Variants in SHISA9 observed in about 807,000 individuals in gnomAD.
The protein encoded by SHISA9 is protein shisa-9.
SHISA9 carries 13 observed loss-of-function variants against 38.0 expected under a neutral mutation model. The ratio of observed to expected loss-of-function variants is 0.34; its 90% CI spans 0.22 to 0.54. SHISA9 has a LOEUF of 0.54. SHISA9 is among the 20% of genes least tolerant of loss of function. The probability of loss-of-function intolerance (pLI) is 0.91; values close to 1 mark genes in which losing one functional copy is unlikely to be tolerated. For missense variants in SHISA9, 538 were observed against 575.8 expected, an observed-to-expected ratio of 0.93 and a Z score of 0.67; for synonymous variants, 275 against 242.0, an observed-to-expected ratio of 1.14 and a Z score of -1.27.
chr16:13,055,839 G>A lies in SHISA9; in HGVS notation c.691+139024G>A, dbSNP rs117407025. On this transcript the variant is annotated intron_variant, in intron 2 of 4. Coordinates refer to ENST00000558583, the MANE Select transcript of SHISA9 (RefSeq NM_001145204.3). ...GATGTATTGTTTTTTAAGAAATCTCGTGCTTAGGTGAGAGTGATGGAACAA... is the reference window on the plus strand; with the variant it reads ...GATGTATTGTTTTTTAAGAAATCTCATGCTTAGGTGAGAGTGATGGAACAA... Among the ~76,000 whole-genome samples the A allele has an allele frequency of 8.5e-5, 13 of 152,300 alleles. No homozygotes were observed. In the East Asian group the frequency reaches 1.7e-3, roughly 20 times the overall value.
At chr16:13,372,988 T>C in the SHISA9 span, among the ~76,000 whole-genome samples, 2 of 152,176 alleles carry the variant, frequency 1.3e-5, no homozygotes, top group Non-Finnish European at 2.9e-5. Flanking sequence ...AAACATAAAA[T>C]AGTAAGTTTT....
chr16:13,126,521 T>G (rs1596666148), intron 2 of SHISA9, among the ~76,000 whole-genome samples: 180 of 95,052 alleles, frequency 1.9e-3, no homozygotes, highest in Middle Eastern at 9.3e-3. Flanking sequence ...GGGAGAGAGA[T>G]GGAGGGAGAG....
At chr16:13,423,593 C>A in the SHISA9 span, among the ~76,000 whole-genome samples, 1 of 152,134 alleles carries the variant, frequency 6.6e-6, no homozygotes, top group African/African-American at 2.4e-5. Context: ...TCTATTGCTG[C>A]ATAACAAATT....
the SHISA9 span, among the ~76,000 whole-genome samples, chr16:13,273,475 C>T: frequency 6.6e-6 from 1 of 152,152 alleles, no homozygotes; most frequent in Non-Finnish European, 1.5e-5. Context: ...GAGGGAATAT[C>T]CCAGCACAAG....
chr16:13,135,705 GTAATAA>G (rs1246561737), intron 2 of SHISA9, among the ~76,000 whole-genome samples: 1 of 152,070 alleles, frequency 6.6e-6, no homozygotes, highest in Non-Finnish European at 1.5e-5. Context: ...TATTATAATA[GTAATAA>G]TAATCATAAT....
chr16:13,330,581 C>T, the SHISA9 span, among the ~76,000 whole-genome samples: 2 of 152,206 alleles, frequency 1.3e-5, no homozygotes, highest in African/African-American at 2.4e-5. Context: ...ATGGTGCATA[C>T]TTCCACGCTC....
At chr16:13,443,755 G>A in the SHISA9 span, among the ~76,000 whole-genome samples, 170 of 152,252 alleles carry the variant, frequency 1.1e-3, no homozygotes, top group Non-Finnish European at 1.2e-3. Context: ...AAAATGGCAC[G>A]CATCATAAAC....
At chr16:13,231,270 G>A (rs1187919817) in intron 4 of SHISA9, among the ~76,000 whole-genome samples, 1 of 152,220 alleles carries the variant, frequency 6.6e-6, no homozygotes, top group South Asian at 2.1e-4. Context: ...ACAGATCTGA[G>A]TAATGTTGCT....
At chr16:13,002,439 A>G (rs930531062) in intron 2 of SHISA9, among the ~76,000 whole-genome samples, 1 of 152,118 alleles carries the variant, frequency 6.6e-6, no homozygotes, top group Non-Finnish European at 1.5e-5. Context: ...GTTAAGTCTC[A>G]TAACCAGTTA....
chr16:12,939,376 GC>G (rs1337489208), intron 2 of SHISA9, among the ~76,000 whole-genome samples: 3 of 152,158 alleles, frequency 2.0e-5, no homozygotes, highest in Non-Finnish European at 4.4e-5. Context: ...GAGTCACTGC[GC>G]CTGGCCAGGA....
At chr16:13,001,340 C>T (rs1420653936) in intron 2 of SHISA9, among the ~76,000 whole-genome samples, 1 of 152,164 alleles carries the variant, frequency 6.6e-6, no homozygotes, top group African/African-American at 2.4e-5. Flanking sequence ...CCTCTCCTCC[C>T]TGGGCTGGCC....
chr16:13,208,383 T>C (rs567173685), intron 3 of SHISA9, among the ~76,000 whole-genome samples: 1 of 152,134 alleles, frequency 6.6e-6, no homozygotes, highest in Admixed American at 6.5e-5. Context: ...TGTTTGCTTG[T>C]TGGGATCACC....
At chr16:13,118,531 G>A (rs1258516519) in intron 2 of SHISA9, among the ~76,000 whole-genome samples, 3 of 152,102 alleles carry the variant, frequency 2.0e-5, no homozygotes, top group African/African-American at 7.2e-5. Context: ...AAGGTGAGGT[G>A]CATGTGGATC....
At chr16:12,996,570 G>A (rs367632280) in intron 2 of SHISA9, among the ~76,000 whole-genome samples, 6 of 152,114 alleles carry the variant, frequency 3.9e-5, no homozygotes, top group Non-Finnish European at 7.4e-5. Flanking sequence ...AATTCATATC[G>A]TAGTCTGGAT....
intron 2 of SHISA9, among the ~76,000 whole-genome samples, chr16:13,048,862 A>G (rs1360597229): frequency 6.6e-6 from 1 of 152,198 alleles, no homozygotes; most frequent in Non-Finnish European, 1.5e-5. Flanking sequence ...TATGTGAGGG[A>G]TTTATTGAGT....
At chr16:13,246,290 AC>A in the SHISA9 span, 1 of 152,116 alleles carries the variant, frequency 6.6e-6, no homozygotes, top group African/African-American at 2.4e-5. Context: ...ATAAGAGGAA[AC>A]CCCTTTTGCT....
At chr16:13,402,830 A>G in the SHISA9 span, among the ~76,000 whole-genome samples, 1 of 152,148 alleles carries the variant, frequency 6.6e-6, no homozygotes, top group African/African-American at 2.4e-5. Flanking sequence ...TACAAAATAA[A>G]TTTCTGGGCT....
the SHISA9 span, among the ~76,000 whole-genome samples, chr16:13,449,244 G>C: frequency 5.3e-5 from 8 of 152,280 alleles, no homozygotes; most frequent in Admixed American, 1.3e-4. Flanking sequence ...AACAAAGACA[G>C]CAAGAAATAG....
At chr16:13,189,883 A>G (rs2050866052) in intron 2 of SHISA9, among the ~76,000 whole-genome samples, 1 of 152,162 alleles carries the variant, frequency 6.6e-6, no homozygotes, top group Non-Finnish European at 1.5e-5. Flanking sequence ...ACAGACTGAC[A>G]ATGATGGAAG....
Sources: allele counts gnomAD v4.1 joint callset (sites outside exome capture counted in the v4.1 genomes callset), GRCh38; gene constraint gnomAD v4.1.1; transcripts MANE v1.5; gene names NCBI Gene and HGNC (gene_info 2026-07-23, HGNC 2026-07-21).